THRB: variants seen among roughly 807,000 people sequenced by gnomAD.
The protein encoded by THRB is thyroid hormone receptor beta.
THRB carries 12 observed loss-of-function variants against 47.8 expected under a neutral mutation model. The ratio of observed to expected loss-of-function variants is 0.25; its 90% CI spans 0.16 to 0.41. The LOEUF (loss-of-function observed/expected upper bound fraction) is 0.41, where lower values mean the gene tolerates loss of function less well. THRB is among the 10% of genes least tolerant of loss of function. The pLI is 1.00. For missense variants in THRB, 348 were observed against 589.2 expected, an observed-to-expected ratio of 0.59 and a Z score of 4.24; for synonymous variants, 218 against 212.2, an observed-to-expected ratio of 1.03 and a Z score of -0.24.
intron 3 of THRB, among the ~76,000 whole-genome samples, chr3:24,238,473 T>C (rs1310895282): frequency 6.6e-6 from 1 of 152,014 alleles, no homozygotes; most frequent in Non-Finnish European, 1.5e-5. Flanking sequence ...AAATAAAACA[T>C]TAAGACTGCA....
chr3:24,353,140 T>A (rs963997101), intron 1 of THRB, among the ~76,000 whole-genome samples: 2 of 152,010 alleles, frequency 1.3e-5, no homozygotes, highest in Non-Finnish European at 2.9e-5. Context: ...CCAAGTATAT[T>A]TGCATAAAGA....
At chr3:24,413,778 C>T (rs1189500829) in intron 1 of THRB, among the ~76,000 whole-genome samples, 1 of 151,700 alleles carries the variant, frequency 6.6e-6, no homozygotes, top group Non-Finnish European at 1.5e-5. Flanking sequence ...CAAGTGTTCT[C>T]GTTGTTCAAT....
At chr3:24,135,132 G>A (rs2034453627) in intron 8 of THRB, among the ~76,000 whole-genome samples, 1 of 152,156 alleles carries the variant, frequency 6.6e-6, no homozygotes. Flanking sequence ...GAGAACCACT[G>A]AGTTAGCAGT....
intron 1 of THRB, among the ~76,000 whole-genome samples, chr3:24,389,822 C>T (rs1286173034): frequency 6.6e-6 from 1 of 151,984 alleles, no homozygotes; most frequent in Non-Finnish European, 1.5e-5. Context: ...CAGCAATAAG[C>T]AATACTCAAC....
chr3:24,191,510 G>C (rs2043340010), intron 4 of THRB, among the ~76,000 whole-genome samples: 1 of 152,104 alleles, frequency 6.6e-6, no homozygotes, highest in Non-Finnish European at 1.5e-5. Flanking sequence ...GGCTTAGAGA[G>C]ACATGTCTAT....
chr3:24,187,875 C>A (rs1200375125), intron 5 of THRB, among the ~76,000 whole-genome samples: 1 of 152,162 alleles, frequency 6.6e-6, no homozygotes, highest in Non-Finnish European at 1.5e-5. Flanking sequence ...TTATAAGTTT[C>A]TTGGACCAAG....
chr3:24,170,324 G>A (rs75718495), intron 5 of THRB, among the ~76,000 whole-genome samples: 2,864 of 152,184 alleles, frequency 0.019, 39 homozygotes, highest in Non-Finnish European at 0.031. Context: ...CTGCCATCTC[G>A]CAGTCCAATC....
chr3:24,226,323 T>C (rs745489308), intron 4 of THRB, among the ~76,000 whole-genome samples: 7 of 152,158 alleles, frequency 4.6e-5, no homozygotes, highest in Admixed American at 2.6e-4. Context: ...TTGGGTTTCT[T>C]AAAACATGTA....
intron 1 of THRB, among the ~76,000 whole-genome samples, chr3:24,364,152 C>T (rs569120496): frequency 7.7e-4 from 117 of 152,116 alleles, no homozygotes; most frequent in African/African-American, 2.8e-3. Context: ...ACACGGCAAA[C>T]CAATATGGAA....
At chr3:24,354,117 C>T (rs1451727505) in intron 1 of THRB, among the ~76,000 whole-genome samples, 3 of 152,114 alleles carry the variant, frequency 2.0e-5, no homozygotes, top group Non-Finnish European at 4.4e-5. Flanking sequence ...GGTAAACTAA[C>T]ACAGGAACAG....
chr3:24,210,519 G>A (rs1479496711), intron 4 of THRB, among the ~76,000 whole-genome samples: 1 of 151,918 alleles, frequency 6.6e-6, no homozygotes, highest in Non-Finnish European at 1.5e-5. Flanking sequence ...TACACGCCAG[G>A]GATGTTGCTC....
intron 4 of THRB, among the ~76,000 whole-genome samples, chr3:24,217,541 T>C (rs1018568109): frequency 7.0e-6 from 1 of 143,260 alleles, no homozygotes; most frequent in African/African-American, 2.6e-5. Context: ...TGGGAGAAAA[T>C]AAGAGGATCT....
Position 24,470,729 on chromosome 3 carries a change from G to A in THRB, c.-261+23923C>T, listed in dbSNP as rs1230407507. ...CCTCTCAGGTTCAAGCAATTCTCCTGCCTCAGCCTCCCCAGTAGCTGGGAT... is the reference window on the plus strand; with the variant it reads ...CCTCTCAGGTTCAAGCAATTCTCCTACCTCAGCCTCCCCAGTAGCTGGGAT... On this transcript the variant is annotated intron_variant, in intron 1 of 10. Transcript: ENST00000646209. Among the ~76,000 whole-genome samples, 3 of 152,254 alleles carry A rather than the reference G, an allele frequency of 2.0e-5. No individual in the cohort carries two copies. In the South Asian group the frequency reaches 6.2e-4, roughly 32 times the overall value.
chr3:24,160,833 A>T (rs868451854), intron 5 of THRB, among the ~76,000 whole-genome samples: 3 of 152,214 alleles, frequency 2.0e-5, no homozygotes, highest in Middle Eastern at 3.4e-3. Context: ...GTGGATATGA[A>T]CTCCATATGC....
chr3:24,488,790 C>T (rs1260922345), intron 1 of THRB, among the ~76,000 whole-genome samples: 3 of 152,122 alleles, frequency 2.0e-5, no homozygotes, highest in Non-Finnish European at 2.9e-5. Flanking sequence ...AAGGCACTGT[C>T]TGACAAATAG....
chr3:24,373,890 C>G (rs554540596), intron 1 of THRB, among the ~76,000 whole-genome samples: 1 of 152,064 alleles, frequency 6.6e-6, no homozygotes, highest in Non-Finnish European at 1.5e-5. Flanking sequence ...ATAAGGCAAA[C>G]GCTAAGCTAT....
chr3:24,311,513 A>C (rs1440766640), intron 2 of THRB, among the ~76,000 whole-genome samples: 1 of 152,150 alleles, frequency 6.6e-6, no homozygotes, highest in Non-Finnish European at 1.5e-5. Flanking sequence ...AGAAAAAAGA[A>C]AGGCATTTCA....
chr3:24,159,917 A>G (rs1357502715), intron 5 of THRB, among the ~76,000 whole-genome samples: 3 of 152,234 alleles, frequency 2.0e-5, no homozygotes, highest in African/African-American at 7.2e-5. Flanking sequence ...TACTTTATAT[A>G]TAATATATTA....
At chr3:24,280,430 C>T (rs1436652487) in intron 3 of THRB, among the ~76,000 whole-genome samples, 1 of 152,162 alleles carries the variant, frequency 6.6e-6, no homozygotes, top group African/African-American at 2.4e-5. Context: ...ACCAAAAACC[C>T]ATCTGTACAT....
Sources: gnomAD v4.1 joint callset for allele counts (sites outside exome capture counted in the v4.1 genomes callset) on GRCh38, gnomAD v4.1.1 for gene constraint, MANE v1.5 for transcripts, NCBI Gene and HGNC (gene_info 2026-07-23, HGNC 2026-07-21) for gene names.